Variants in IGSF10 observed in about 807,000 individuals in gnomAD.
The protein encoded by IGSF10 is calvaria mechanical force protein 608.
In IGSF10, 126 loss-of-function variants were observed where a neutral mutation model predicts 128.2. That is an observed-to-expected ratio of 0.98 (90% CI 0.85 to 1.14). The LOEUF (loss-of-function observed/expected upper bound fraction) is 1.14. Ranked by LOEUF, IGSF10 falls within the 50% of genes most tolerant of loss-of-function variation. The pLI, the probability that IGSF10 is intolerant of heterozygous loss-of-function variation, is 0.00. For missense variants in IGSF10, 3,295 were observed against 3,149.8 expected, an observed-to-expected ratio of 1.05 and a Z score of -1.10; for synonymous variants, 1,185 against 1,146.2, an observed-to-expected ratio of 1.03 and a Z score of -0.68.
the IGSF10 span, among the ~76,000 whole-genome samples, chr3:151,524,502 T>C: frequency 1.7e-3 from 254 of 152,318 alleles, 2 homozygotes; most frequent in African/African-American, 5.4e-3. Context: ...CTGGAGGCTA[T>C]CATCCTAAGC....
chr3:151,542,152 A>T, the IGSF10 span, among the ~76,000 whole-genome samples: 1 of 152,172 alleles, frequency 6.6e-6, no homozygotes, highest in Admixed American at 6.5e-5. Flanking sequence ...CACAGGCACT[A>T]AACTCAAAAC....
At chr3:151,613,497 A>G in the IGSF10 span, among the ~76,000 whole-genome samples, 3 of 152,222 alleles carry the variant, frequency 2.0e-5, no homozygotes, top group Admixed American at 6.5e-5. Flanking sequence ...ATGGAACAGA[A>G]CAGAGCCCTG....
the IGSF10 span, among the ~76,000 whole-genome samples, chr3:151,470,768 A>T: frequency 6.7e-6 from 1 of 148,212 alleles, no homozygotes; most frequent in Non-Finnish European, 1.5e-5. Flanking sequence ...CAGTGGCCAA[A>T]CTGGTAGAAA....
chr3:151,489,124 A>T, the IGSF10 span, among the ~76,000 whole-genome samples: 1 of 152,226 alleles, frequency 6.6e-6, no homozygotes, highest in Admixed American at 6.5e-5. Context: ...AAACAAATTT[A>T]CAGGAAAGAA....
At chr3:151,578,460 G>C in the IGSF10 span, among the ~76,000 whole-genome samples, 1 of 152,214 alleles carries the variant, frequency 6.6e-6, no homozygotes, top group Non-Finnish European at 1.5e-5. Flanking sequence ...ACAAGCCATA[G>C]TTTACTGACT....
chr3:151,463,496 C>T (rs1722139554), upstream of IGSF10, among the ~76,000 whole-genome samples: 1 of 138,630 alleles, frequency 7.2e-6, no homozygotes, highest in African/African-American at 2.7e-5. Context: ...ATTGTAAAAC[C>T]AATGCTTTTA....
chr3:151,561,535 A>C, the IGSF10 span, among the ~76,000 whole-genome samples: 108,275 of 151,968 alleles, frequency 0.71, 38,680 homozygotes, highest in South Asian at 0.77. Flanking sequence ...TATAAATATT[A>C]TTTAATAGGG....
chr3:151,505,344 G>A, the IGSF10 span, among the ~76,000 whole-genome samples: 3 of 152,008 alleles, frequency 2.0e-5, no homozygotes, highest in African/African-American at 7.3e-5. Context: ...ATCTCGTGAG[G>A]ACTTACTATC....
the IGSF10 span, among the ~76,000 whole-genome samples, chr3:151,515,500 A>G: frequency 6.7e-6 from 1 of 150,036 alleles, no homozygotes; most frequent in Non-Finnish European, 1.5e-5. Flanking sequence ...GGATAGCATT[A>G]GGACATATAC....
At chr3:151,600,338 T>G in the IGSF10 span, among the ~76,000 whole-genome samples, 6 of 152,158 alleles carry the variant, frequency 3.9e-5, no homozygotes, top group Admixed American at 3.3e-4. Flanking sequence ...CTCCTAGTCC[T>G]GCTTACCAAT....
At chr3:151,466,240 C>T in the IGSF10 span, among the ~76,000 whole-genome samples, 1 of 151,886 alleles carries the variant, frequency 6.6e-6, no homozygotes, top group Non-Finnish European at 1.5e-5. Flanking sequence ...ACCAGGTGAC[C>T]AGGCGAGGTA....
At chr3:151,524,844 CA>C in the IGSF10 span, among the ~76,000 whole-genome samples, 5 of 152,018 alleles carry the variant, frequency 3.3e-5, no homozygotes, top group Non-Finnish European at 7.4e-5. Context: ...GCTACTTTAT[CA>C]GATTCAACTG....
At chr3:151,466,561 G>T in the IGSF10 span, among the ~76,000 whole-genome samples, 2 of 151,984 alleles carry the variant, frequency 1.3e-5, no homozygotes, top group African/African-American at 4.8e-5. Flanking sequence ...GGCCCAGCAC[G>T]TGTTTTTGTT....
chr3:151,520,985 A>G, the IGSF10 span, among the ~76,000 whole-genome samples: 44,861 of 151,596 alleles, frequency 0.3, 7,389 homozygotes, highest in Middle Eastern at 0.42. Flanking sequence ...TAAGTGACCC[A>G]TCTCACACAT....
At chr3:151,505,018 A>G in the IGSF10 span, among the ~76,000 whole-genome samples, 3 of 152,152 alleles carry the variant, frequency 2.0e-5, no homozygotes, top group Non-Finnish European at 2.9e-5. Flanking sequence ...TGAGCCCTCC[A>G]AACTGTGCCA....
the IGSF10 span, among the ~76,000 whole-genome samples, chr3:151,610,175 T>C: frequency 2.0e-5 from 3 of 152,002 alleles, no homozygotes; most frequent in South Asian, 4.2e-4. Flanking sequence ...AAGGAGAGCA[T>C]TGGTAAAGGA....
At chr3:151,617,170 TCCTCCTCCTCTG>T in the IGSF10 span, among the ~76,000 whole-genome samples, 6 of 139,122 alleles carry the variant, frequency 4.3e-5, no homozygotes, top group African/African-American at 1.1e-4. Flanking sequence ...TCCCCTCTCT[TCCTCCTCCTCTG>T]CCTCCTCCTC....
chr3:151,498,782 C>T, the IGSF10 span, among the ~76,000 whole-genome samples: 1 of 152,038 alleles, frequency 6.6e-6, no homozygotes, highest in Non-Finnish European at 1.5e-5. Flanking sequence ...AATTTTTCCC[C>T]CATAATGGAC....
At chr3:151,484,976 T>G in the IGSF10 span, among the ~76,000 whole-genome samples, 2 of 151,990 alleles carry the variant, frequency 1.3e-5, no homozygotes, top group African/African-American at 4.8e-5. Context: ...CAGAAGTAGG[T>G]TTCAGAAGGT....
Sources: gnomAD v4.1 joint callset for allele counts (sites outside exome capture counted in the v4.1 genomes callset) on GRCh38, gnomAD v4.1.1 for gene constraint, MANE v1.5 for transcripts, NCBI Gene and HGNC (gene_info 2026-07-23, HGNC 2026-07-21) for gene names.